The following ATP8B4 variants were observed in gnomAD, a reference collection of about 807,000 sequenced individuals.
The protein encoded by ATP8B4 is ATPase phospholipid transporting 8B4 (putative), also known as probable phospholipid-transporting ATPase IM.
In ATP8B4, 133 loss-of-function variants were observed where a neutral mutation model predicts 145.6. That is an observed-to-expected ratio of 0.91 (90% CI 0.79 to 1.05). The LOEUF (loss-of-function observed/expected upper bound fraction) is 1.05, where lower values mean the gene tolerates loss of function less well. ATP8B4 is among the 50% of genes least tolerant of loss of function. The pLI is 0.00. For synonymous variants in ATP8B4, 507 were observed against 492.9 expected (o/e 1.03, Z -0.38); for missense variants, 1,458 against 1,425.2 (o/e 1.02, Z -0.37).
chr15:49,994,649 A>G (rs2047282111), intron 9 of ATP8B4, among the ~76,000 whole-genome samples: 1 of 151,980 alleles, frequency 6.6e-6, no homozygotes, highest in African/African-American at 2.4e-5. Flanking sequence ...CAAGCAGGGT[A>G]TGGTGGATTG....
intron 1 of ATP8B4, chr15:50,114,612 A>C: frequency 6.6e-6 from 1 of 152,268 alleles, no homozygotes; most frequent in East Asian, 1.9e-4. Context: ...TAGGCCGCCC[A>C]AGTTTGCTCC....
intron 3 of ATP8B4, among the ~76,000 whole-genome samples, chr15:50,060,097 A>T (rs1451016865): frequency 6.6e-6 from 1 of 152,200 alleles, no homozygotes; most frequent in Non-Finnish European, 1.5e-5. Context: ...CGGCCGAGCC[A>T]GAGCCATGAC....
intron 6 of ATP8B4, among the ~76,000 whole-genome samples, chr15:50,012,647 G>C (rs763169776): frequency 6.6e-6 from 1 of 152,106 alleles, no homozygotes; most frequent in Non-Finnish European, 1.5e-5. Flanking sequence ...CTTATGATTT[G>C]ACAAAGTTAT....
At chr15:50,105,498 G>A (rs2056630715) in intron 2 of ATP8B4, among the ~76,000 whole-genome samples, 1 of 152,090 alleles carries the variant, frequency 6.6e-6, no homozygotes, top group African/African-American at 2.4e-5. Flanking sequence ...AATGTTTAAA[G>A]ACATAAAAGA....
At chr15:50,152,791 C>A (rs1051556187) in intron 1 of ATP8B4, among the ~76,000 whole-genome samples, 1 of 152,258 alleles carries the variant, frequency 6.6e-6, no homozygotes, top group South Asian at 2.1e-4. Flanking sequence ...AACCTTAACC[C>A]TTTCAAAGCT....
chr15:49,983,896 T>C (rs2046372377), intron 10 of ATP8B4, among the ~76,000 whole-genome samples: 1 of 152,242 alleles, frequency 6.6e-6, no homozygotes, highest in Non-Finnish European at 1.5e-5. Flanking sequence ...GCCATTGATA[T>C]GATTTTGGCT....
intron 1 of ATP8B4, among the ~76,000 whole-genome samples, chr15:50,145,590 G>T (rs17415452): frequency 0.16 from 24,531 of 152,060 alleles, 2,246 homozygotes; most frequent in Non-Finnish European, 0.21. Flanking sequence ...CCATCTAGTG[G>T]AAATTTTACT....
intron 1 of ATP8B4, among the ~76,000 whole-genome samples, chr15:50,167,358 C>T (rs543702452): frequency 6.6e-6 from 1 of 152,244 alleles, no homozygotes; most frequent in East Asian, 1.9e-4. Flanking sequence ...GAATCCATTC[C>T]AGGCCTCTCT....
intron 3 of ATP8B4, among the ~76,000 whole-genome samples, chr15:50,054,558 C>T (rs141671334): frequency 0.037 from 5,575 of 151,906 alleles, 108 homozygotes; most frequent in South Asian, 0.061. Context: ...CTGAGGCAGG[C>T]GGATCACAAG....
intron 2 of ATP8B4, among the ~76,000 whole-genome samples, chr15:50,094,145 T>C (rs1371676446): frequency 6.6e-6 from 1 of 152,158 alleles, no homozygotes; most frequent in Non-Finnish European, 1.5e-5. Context: ...TGTGAGGGTC[T>C]TTCTGCATGA....
intron 8 of ATP8B4, among the ~76,000 whole-genome samples, chr15:50,000,109 A>G (rs1160560100): frequency 6.6e-6 from 1 of 152,154 alleles, no homozygotes; most frequent in East Asian, 1.9e-4. Flanking sequence ...ATTGAAGGAT[A>G]TTCAAGTTGT....
intron 1 of ATP8B4, among the ~76,000 whole-genome samples, chr15:50,132,494 G>A (rs181455394): frequency 2.8e-4 from 43 of 152,282 alleles, no homozygotes; most frequent in Admixed American, 9.2e-4. Flanking sequence ...AAATAGGAAC[G>A]CTTTTAAATT....
In ATP8B4 at chr15:49,982,913, A is replaced by C. The variant is rs906078631; in HGVS notation, c.749-1619T>G. 2.0e-5 allele frequency among the ~76,000 whole-genome samples: 3 copies of C among 152,098 alleles called. No individual in the cohort carries two copies. In the South Asian group the frequency reaches 6.2e-4, roughly 32 times the overall value. ...TCAGCAACCTTTGACACTGTTGACT[A>C]TTCCATCCTTTTGAAACATACTCTT... On this transcript the variant is annotated intron_variant, in intron 10 of 27. Coordinates refer to ENST00000284509, the MANE Select transcript of ATP8B4 (RefSeq NM_024837.4).
chr15:50,154,343 GTTT>G (rs1459729941), intron 1 of ATP8B4, among the ~76,000 whole-genome samples: 2 of 151,740 alleles, frequency 1.3e-5, no homozygotes, highest in Non-Finnish European at 2.9e-5. Flanking sequence ...GTTCTATCTT[GTTT>G]TTATTTCCTT....
intron 23 of ATP8B4, chr15:49,880,472 G>A (rs2035213114): frequency 6.6e-6 from 1 of 152,130 alleles, no homozygotes; most frequent in African/African-American, 2.4e-5. Context: ...GATGTCAGGA[G>A]GTAAGAAGAA....
chr15:49,950,589 C>CT (rs1203402173), intron 14 of ATP8B4, among the ~76,000 whole-genome samples: 1 of 34,980 alleles, frequency 2.9e-5, no homozygotes, highest in Non-Finnish European at 6.8e-5. Flanking sequence ...TATGTATTAA[C>CT]TAAAAAAAAA....
chr15:50,128,870 C>T (rs1386622665), intron 1 of ATP8B4, among the ~76,000 whole-genome samples: 1 of 152,088 alleles, frequency 6.6e-6, no homozygotes, highest in Non-Finnish European at 1.5e-5. Context: ...GAGTTCGAGA[C>T]CAGACTGACC....
At chr15:50,091,352 T>C (rs908871113) in intron 2 of ATP8B4, among the ~76,000 whole-genome samples, 2 of 152,170 alleles carry the variant, frequency 1.3e-5, no homozygotes, top group African/African-American at 2.4e-5. Flanking sequence ...GTAATGGTTG[T>C]ATGGAAGGGA....
chr15:49,936,886 T>C (rs544946973), intron 14 of ATP8B4, among the ~76,000 whole-genome samples: 1 of 152,126 alleles, frequency 6.6e-6, no homozygotes, highest in African/African-American at 2.4e-5. Context: ...GACTTAATCT[T>C]CCAGCCCTTC....
Sources: gnomAD v4.1 joint callset for allele counts (sites outside exome capture counted in the v4.1 genomes callset) on GRCh38, gnomAD v4.1.1 for gene constraint, MANE v1.5 for transcripts, NCBI Gene and HGNC (gene_info 2026-07-23, HGNC 2026-07-21) for gene names.